Variants in ZSCAN18 observed in about 807,000 individuals in gnomAD.
The protein encoded by ZSCAN18 is zinc finger and SCAN domain-containing protein 18.
ZSCAN18 carries 16 observed loss-of-function variants against 31.1 expected under a neutral mutation model. The ratio of observed to expected loss-of-function variants is 0.51; its 90% confidence interval spans 0.35 to 0.78. The LOEUF (loss-of-function observed/expected upper bound fraction) is 0.78, where lower values mean the gene tolerates loss of function less well. Among genes scored for constraint, ZSCAN18 ranks in the 30% least tolerant of loss-of-function variants. The pLI is 0.01. For synonymous variants in ZSCAN18, 375 were observed against 320.7 expected (o/e 1.17, Z -1.81); for missense variants, 731 against 697.4 (o/e 1.05, Z -0.54).
intron 2 of ZSCAN18, among the ~76,000 whole-genome samples, chr19:58,089,231 A>C (rs1018240276): frequency 9.4e-5 from 12 of 127,496 alleles, no homozygotes; most frequent in Middle Eastern, 4.1e-3. Context: ...TGAACCCGGG[A>C]GGCGGAGCTT....
Position 58,085,263 on chromosome 19 carries a change from A to C in ZSCAN18, c.955T>G (p.Ser319Ala), listed in dbSNP as rs762724466. Residue 319 changes from serine to alanine, a missense_variant, in exon 7 of 7, where the codon TCG becomes GCG. Ser to Ala is a moderately conservative substitution (Grantham distance 99). This residue lies in a region of ZSCAN18 where 597 missense variants were observed against 499.5 expected (regional missense o/e 1.20). Transcript: ENST00000601144. ...PPGDALADPP[S>A]GTTEEEEEQP... is the part of the protein sequence containing the mutation. Reference sequence around the variant, plus strand: ...TCTTCCTCCTCCTCAGTGGTGCCCGACGGGGGATCGGCAAGGGCGTCCCCA... The same window carrying C: ...TCTTCCTCCTCCTCAGTGGTGCCCGCCGGGGGATCGGCAAGGGCGTCCCCA... 4 of 1,603,998 alleles carry C rather than the reference A, an allele frequency of 2.5e-6. No individual in the cohort carries two copies. The highest frequency in any genetic ancestry group is 3.4e-6 in the Non-Finnish European group (4 of 1,178,146).
chr19:58,098,049 C>A, intron 1 of ZSCAN18, 125 bp downstream of exon 1: 1 of 985,674 alleles, frequency 1.0e-6, no homozygotes, highest in Non-Finnish European at 1.2e-6. Context: ...ACAGCGGGGG[C>A]TCGCACCCCA....
At chr19:58,088,336 C>T (rs1309438685) in intron 3 of ZSCAN18, 2 of 193,018 alleles carry the variant, frequency 1.0e-5, no homozygotes, top group Non-Finnish European at 2.2e-5. Flanking sequence ...GACCCCAGGC[C>T]CTGATTATGC....
upstream of ZSCAN18, among the ~76,000 whole-genome samples, chr19:58,100,832 A>G (rs58227431): frequency 6.6e-6 from 1 of 151,858 alleles, no homozygotes; most frequent in South Asian, 2.1e-4. Flanking sequence ...TTGAGATCGC[A>G]CCACTGCACT....
In ZSCAN18 at chr19:58,086,942, C is replaced by A; in HGVS notation, c.709G>T (p.Glu237Ter). ...AGCTTCCGGTAGCTCTTCAGGTTCT[C>A]CTCGGCAGGGTCCAGGTGGCCCCAC... ...GEWGHLDPAE[E>*]NLKSYRKLLL... Residue 237 changes from glutamate (E) to a stop codon, truncating the protein, a stop_gained, in exon 5 of 7, where the codon GAG becomes TAG. Coordinates refer to ENST00000601144, the MANE Select transcript of ZSCAN18 (RefSeq NM_001145543.2). LOFTEE classifies it high-confidence loss of function. 1.2e-6 allele frequency: 2 copies of A among 1,613,948 alleles called. No homozygotes were observed. The highest frequency in any genetic ancestry group is 1.7e-6 in the Non-Finnish European group (2 of 1,179,976).
intron 1 of ZSCAN18, chr19:58,118,215 C>A (rs1224539203): frequency 7.8e-6 from 7 of 896,910 alleles, no homozygotes; most frequent in Non-Finnish European, 1.1e-5. Flanking sequence ...ACAGAAAGAG[C>A]GACCACGCAG....
intron 1 of ZSCAN18, among the ~76,000 whole-genome samples, chr19:58,106,269 G>A (rs925274400): frequency 2.6e-5 from 4 of 152,124 alleles, no homozygotes; most frequent in Admixed American, 6.6e-5. Context: ...CAGGCGTGGT[G>A]GTGCATGCTG....
chr19:58,092,240 T>C (rs2074427362), intron 1 of ZSCAN18, among the ~76,000 whole-genome samples: 1 of 152,046 alleles, frequency 6.6e-6, no homozygotes, highest in Admixed American at 6.6e-5. Flanking sequence ...CCTCACAGTA[T>C]GTAAATTACA....
At chr19:58,118,215 C>G (rs1224539203) in intron 1 of ZSCAN18, 7 of 896,910 alleles carry the variant, frequency 7.8e-6, no homozygotes, top group African/African-American at 1.8e-5. Context: ...ACAGAAAGAG[C>G]GACCACGCAG....
At position 58,086,923 on chromosome 19, in the gene ZSCAN18, C is replaced by T. The variant is rs756866244; in HGVS notation, c.728G>A (p.Arg243Gln). ...ACTCTCACCCCACAGGAGCAGCTTC[C>T]GGTAGCTCTTCAGGTTCTCCTCGGC... is the stretch of plus-strand genomic sequence containing the variant. ...DPAEENLKSY[R>Q]KLLLWGYQLS... The change falls in exon 5 of 7, where the codon CGG becomes CAG. Residue 243 changes from arginine (R) to glutamine (Q), a missense_variant. Physicochemically the swap from Arg to Gln is conservative, Grantham distance 43 (BLOSUM62 1). Coordinates refer to ENST00000601144, the MANE Select transcript of ZSCAN18 (RefSeq NM_001145543.2). 6.2e-6 allele frequency: 10 copies of T among 1,613,612 alleles called. No individual in the cohort carries two copies. The highest frequency in any genetic ancestry group is 4.4e-5 in the South Asian group (4 of 91,084).
At chr19:58,112,176 A>C (rs913487668) in intron 1 of ZSCAN18, among the ~76,000 whole-genome samples, 2 of 152,176 alleles carry the variant, frequency 1.3e-5, no homozygotes, top group African/African-American at 4.8e-5. Context: ...CTGGGACTAC[A>C]TGCACAAGGC....
upstream of ZSCAN18, among the ~76,000 whole-genome samples, chr19:58,102,153 C>G (rs1208626649): frequency 6.6e-6 from 1 of 152,006 alleles, no homozygotes; most frequent in Non-Finnish European, 1.5e-5. Flanking sequence ...GTTTAGGCAG[C>G]TTACTAAAAA....
intron 1 of ZSCAN18, among the ~76,000 whole-genome samples, chr19:58,110,041 A>G (rs1012015967): frequency 6.6e-6 from 1 of 151,910 alleles, no homozygotes; most frequent in African/African-American, 2.4e-5. Context: ...CTCACAGAAA[A>G]TTTTTTAAAA....
intron 1 of ZSCAN18, among the ~76,000 whole-genome samples, chr19:58,105,697 C>T (rs2074629333): frequency 6.6e-6 from 1 of 151,198 alleles, no homozygotes; most frequent in East Asian, 2.0e-4. Context: ...ATGCAGTTTG[C>T]AGCTATGCGT....
chr19:58,115,756 A>C (rs974478891), intron 1 of ZSCAN18, among the ~76,000 whole-genome samples: 2 of 152,186 alleles, frequency 1.3e-5, no homozygotes, highest in African/African-American at 4.8e-5. Context: ...GTATCAGAGG[A>C]TCTCACATTT....
chr19:58,084,888 G>A lies in ZSCAN18; in HGVS notation c.1330C>T (p.Gln444Ter). 6.3e-7 allele frequency: 1 copy of A among 1,596,086 alleles called. No homozygotes were observed. Among genetic ancestry groups the A allele is most frequent in the Non-Finnish European group, 8.5e-7 (1 of 1,173,126 alleles). Reference sequence around the variant, plus strand: ...AAGTGGAAGGTCTTCCAGCAGCCCTGACAGGCGTAGCGCTTCCGGCCGCCA... The same window carrying A: ...AAGTGGAAGGTCTTCCAGCAGCCCTAACAGGCGTAGCGCTTCCGGCCGCCA... ...SHGGRKRYAC[Q>*]GCWKTFHFSL... Residue 444 changes from glutamine to a stop codon, truncating the protein, a stop_gained, in exon 7 of 7, where the codon CAG (glutamine) becomes TAG (stop). Coordinates refer to ENST00000601144, the MANE Select transcript of ZSCAN18 (RefSeq NM_001145543.2). LOFTEE classifies it low-confidence loss of function (END_TRUNC). This position sits in a 1 kb window ranked among gnomAD's most constrained non-coding sequence, Gnocchi z 4.5.
At chr19:58,117,850 A>G (rs1169865441) in intron 1 of ZSCAN18, among the ~76,000 whole-genome samples, 2 of 151,590 alleles carry the variant, frequency 1.3e-5, no homozygotes, top group Non-Finnish European at 2.9e-5. Context: ...TGCGCCCACT[A>G]GGAGAGAGAG....
At chr19:58,106,022 CCATA>C (rs1568643410) in intron 1 of ZSCAN18, among the ~76,000 whole-genome samples, 1 of 152,058 alleles carries the variant, frequency 6.6e-6, no homozygotes, top group African/African-American at 2.4e-5. Context: ...GCTATAGCTG[CCATA>C]GATAGTAATG....
rs1339196106 is a variant in ZSCAN18 at position 58,106,510 on chromosome 19, G to A, written c.130+11757C>T. Among the ~76,000 whole-genome samples, 193 of 22,916 alleles carry A rather than the reference G, an allele frequency of 8.4e-3. 65 individuals carry two copies. Among genetic ancestry groups the A allele is most frequent in the African/African-American group, 0.016 (172 of 10,554 alleles). The allele number at this position is 22,916 out of a possible 152,430, so 15.0% of individuals were successfully genotyped here. On this transcript the variant is annotated intron_variant, in intron 1 of 1. Coordinates refer to the ZSCAN18 transcript ENST00000595721. The stretch of plus-strand genomic sequence containing the variant: ...GAGGTCAGGAGATCGAGACCATCCC[G>A]GCTAAAACGGTGAAACCCCGTCTCT...
Sources: allele counts gnomAD v4.1 joint callset (sites outside exome capture counted in the v4.1 genomes callset), GRCh38; gene constraint gnomAD v4.1.1; regional missense constraint gnomAD v4.1.1; non-coding constraint Gnocchi (gnomAD v3.1); transcripts MANE v1.5; gene names NCBI Gene and HGNC (gene_info 2026-07-23, HGNC 2026-07-21).